Variants in NAALADL2 observed in about 807,000 individuals in gnomAD.
NAALADL2 encodes inactive N-acetylated-alpha-linked acidic dipeptidase-like protein 2.
Under a neutral mutation model 87.2 loss-of-function variants are expected in NAALADL2, and 76 were observed. The ratio of observed to expected loss-of-function variants is 0.87; its 90% CI spans 0.72 to 1.05. The LOEUF (loss-of-function observed/expected upper bound fraction) is 1.05, where lower values mean the gene tolerates loss of function less well. Among genes scored for constraint, NAALADL2 ranks in the 50% least tolerant of loss-of-function variants. NAALADL2 has a pLI of 0.00. For missense variants in NAALADL2, 1,089 were observed against 945.8 expected (o/e 1.15, Z -1.99); for synonymous variants, 354 against 331.0 (o/e 1.07, Z -0.75).
chr3:175,648,640 C>T (rs1730345496), intron 11 of NAALADL2, among the ~76,000 whole-genome samples: 1 of 152,098 alleles, frequency 6.6e-6, no homozygotes, highest in Admixed American at 6.6e-5. Context: ...CTTCAACTGG[C>T]TCTTTTAATT....
intron 10 of NAALADL2, among the ~76,000 whole-genome samples, chr3:175,610,779 C>A (rs1265276494): frequency 1.3e-5 from 2 of 151,962 alleles, no homozygotes; most frequent in African/African-American, 4.8e-5. Context: ...TAATAAGATC[C>A]ACTAATATAA....
chr3:174,903,396 T>C (rs547858768), intron 1 of NAALADL2, among the ~76,000 whole-genome samples: 3 of 152,214 alleles, frequency 2.0e-5, no homozygotes, highest in Admixed American at 6.5e-5. Flanking sequence ...GCTAGTGTTT[T>C]AGCTTACTCT....
intron 2 of NAALADL2, among the ~76,000 whole-genome samples, chr3:174,621,735 T>C (rs1721018560): frequency 1.3e-5 from 2 of 152,254 alleles, no homozygotes; most frequent in East Asian, 3.9e-4. Flanking sequence ...AGGGAGTAAA[T>C]GAGACAATCC....
chr3:174,501,713 T>C (rs1718908121), intron 1 of NAALADL2, among the ~76,000 whole-genome samples: 2 of 152,106 alleles, frequency 1.3e-5, no homozygotes, highest in African/African-American at 4.8e-5. Flanking sequence ...TCTCTTAATA[T>C]TATAATAGCT....
chr3:174,479,456 CT>C (rs1717422641), intron 1 of NAALADL2, among the ~76,000 whole-genome samples: 1 of 152,016 alleles, frequency 6.6e-6, no homozygotes, highest in Non-Finnish European at 1.5e-5. Context: ...CATAAATGAG[CT>C]TGAAAGTCAG....
chr3:175,764,182 A>G (rs1748382795), intron 13 of NAALADL2, among the ~76,000 whole-genome samples: 1 of 151,414 alleles, frequency 6.6e-6, no homozygotes, highest in Non-Finnish European at 1.5e-5. Context: ...AAACAAAACT[A>G]TTGATTATGG....
rs1406629751 is a variant in NAALADL2, at chr3:175,525,456, C to T, written c.1654-50585C>T. ...CACATCTAATGGGAATGGGAATTAA[C>T]GTAGTTTTATAACTTATTAATGAGT... On this transcript the variant is annotated intron_variant, in intron 9 of 13. Transcript: ENST00000454872. Among the ~76,000 whole-genome samples the T allele has an allele frequency of 5.9e-5, 9 of 152,214 alleles. No homozygotes were observed. In the South Asian group the frequency reaches 6.2e-4, roughly 11 times the overall value.
intron 2 of NAALADL2, among the ~76,000 whole-genome samples, chr3:174,554,659 G>A (rs1023228224): frequency 6.6e-5 from 10 of 151,706 alleles, no homozygotes; most frequent in African/African-American, 2.4e-4. Flanking sequence ...ATTTGTGAGG[G>A]TGTTTTAAAG....
At chr3:174,805,092 G>A (rs968608343) in intron 3 of NAALADL2, among the ~76,000 whole-genome samples, 2 of 152,202 alleles carry the variant, frequency 1.3e-5, no homozygotes, top group Admixed American at 6.5e-5. Context: ...ATTTAGCATA[G>A]CACTGGCTCA....
intron 2 of NAALADL2, among the ~76,000 whole-genome samples, chr3:174,650,346 C>G (rs978896066): frequency 2.6e-5 from 4 of 152,084 alleles, no homozygotes; most frequent in African/African-American, 9.7e-5. Flanking sequence ...CACCATATAT[C>G]CATTTCTTTT....
chr3:175,397,930 T>G (rs1330816973), intron 5 of NAALADL2, among the ~76,000 whole-genome samples: 1 of 152,150 alleles, frequency 6.6e-6, no homozygotes, highest in Admixed American at 6.6e-5. Context: ...CCCTGCCATG[T>G]TATTAACACA....
At chr3:175,472,883 C>G (rs1234793486) in intron 9 of NAALADL2, among the ~76,000 whole-genome samples, 1 of 151,998 alleles carries the variant, frequency 6.6e-6, no homozygotes, top group Non-Finnish European at 1.5e-5. Flanking sequence ...TGCTTGGAAG[C>G]CTTGCAAAAG....
At chr3:175,080,492 A>G (rs992281886) in intron 1 of NAALADL2, among the ~76,000 whole-genome samples, 1 of 152,066 alleles carries the variant, frequency 6.6e-6, no homozygotes, top group Non-Finnish European at 1.5e-5. Flanking sequence ...TGAATTATCT[A>G]CTCTCCCAGA....
At chr3:175,248,602 C>T (rs571463844) in intron 3 of NAALADL2, among the ~76,000 whole-genome samples, 3 of 152,172 alleles carry the variant, frequency 2.0e-5, no homozygotes, top group South Asian at 2.1e-4. Context: ...TGGATATATA[C>T]ACATATTCAG....
intron 3 of NAALADL2, among the ~76,000 whole-genome samples, chr3:174,738,055 A>G (rs1453518774): frequency 6.6e-6 from 1 of 152,124 alleles, no homozygotes; most frequent in African/African-American, 2.4e-5. Context: ...AAATGTTATG[A>G]CTAATAAGAT....
chr3:175,394,950 A>T (rs1769576646), intron 5 of NAALADL2, among the ~76,000 whole-genome samples: 1 of 151,952 alleles, frequency 6.6e-6, no homozygotes, highest in South Asian at 2.1e-4. Flanking sequence ...TTCTTTATTA[A>T]GTTGAGAACT....
chr3:175,783,473 G>A (rs988783570), intron 13 of NAALADL2, among the ~76,000 whole-genome samples: 18 of 151,630 alleles, frequency 1.2e-4, no homozygotes, highest in African/African-American at 4.4e-4. Flanking sequence ...AAGCAATTGT[G>A]AATGGGAGTT....
intron 1 of NAALADL2, among the ~76,000 whole-genome samples, chr3:175,018,864 T>C (rs752649556): frequency 6.6e-6 from 1 of 150,986 alleles, no homozygotes; most frequent in Non-Finnish European, 1.5e-5. Flanking sequence ...TACTGTGACA[T>C]AGAAAAAACA....
intron 2 of NAALADL2, among the ~76,000 whole-genome samples, chr3:174,552,981 C>T (rs1265196562): frequency 6.6e-6 from 1 of 151,844 alleles, no homozygotes; most frequent in Non-Finnish European, 1.5e-5. Context: ...AACTTTAAGT[C>T]CAAAGAGGTT....
Sources: gnomAD v4.1 joint callset for allele counts (sites outside exome capture counted in the v4.1 genomes callset) on GRCh38, gnomAD v4.1.1 for gene constraint, MANE v1.5 for transcripts, NCBI Gene and HGNC (gene_info 2026-07-23, HGNC 2026-07-21) for gene names.